Variants in IQCJ observed in about 807,000 individuals in gnomAD.
IQCJ encodes IQ domain-containing protein J.
IQCJ carries 9 observed loss-of-function variants against 11.0 expected under a neutral mutation model. That is an observed-to-expected ratio of 0.82 (90% CI 0.49 to 1.43). IQCJ has a LOEUF of 1.43. Among genes scored for constraint, IQCJ ranks in the 40% most tolerant of loss-of-function variants. The pLI is 0.00. For missense variants in IQCJ, 146 were observed against 133.2 expected (o/e 1.10, Z -0.47); for synonymous variants, 55 against 51.3 (o/e 1.07, Z -0.31).
At chr3:159,095,454 G>A (rs886375768) in intron 1 of IQCJ, among the ~76,000 whole-genome samples, 34 of 141,948 alleles carry the variant, frequency 2.4e-4, no homozygotes, top group African/African-American at 7.5e-4. Context: ...ATGCTGGTGC[G>A]CTGCACCCAC....
Position 159,263,091 on chromosome 3 carries a change from CA to C in IQCJ, c.*361del. ...TTTTACCAGAAGAATTGAAAGTGGT[CA>C]CACACTCAGGGGTTGCAACTTAAAT... is the stretch of plus-strand genomic sequence containing the variant. On this transcript the variant is annotated 3_prime_UTR_variant, in exon 4 of 4. Coordinates refer to ENST00000397832, the MANE Select transcript of IQCJ (RefSeq NM_001042706.3). 1.0e-6 allele frequency: 1 copy of C among 994,970 alleles called. No individual in the cohort carries two copies. Among genetic ancestry groups the C allele is most frequent in the Admixed American group, 5.6e-5 (1 of 17,840 alleles). 61.6% of individuals were successfully genotyped at this position (994,970 alleles called of 1,614,324 possible).
At chr3:159,092,284 G>T (rs1310964920) in intron 1 of IQCJ, among the ~76,000 whole-genome samples, 1 of 151,930 alleles carries the variant, frequency 6.6e-6, no homozygotes, top group Non-Finnish European at 1.5e-5. Flanking sequence ...TAAGACAAGT[G>T]GCTGGTATCT....
At chr3:159,089,192 T>C (rs544357462) in intron 1 of IQCJ, among the ~76,000 whole-genome samples, 2 of 152,182 alleles carry the variant, frequency 1.3e-5, no homozygotes, top group Admixed American at 6.5e-5. Flanking sequence ...TTAGTTTGGC[T>C]GGATATGAAG....
chr3:159,128,262 AGT>A (rs1007907901), intron 1 of IQCJ, among the ~76,000 whole-genome samples: 4 of 152,214 alleles, frequency 2.6e-5, no homozygotes, highest in Non-Finnish European at 5.9e-5. Flanking sequence ...GTGAATTTCA[AGT>A]ACGTTCTAGG....
At chr3:159,070,029 G>T in intron 1 of IQCJ, 1 of 204,856 alleles carries the variant, frequency 4.9e-6, no homozygotes, top group South Asian at 8.3e-5. Flanking sequence ...GTTCTGCTTT[G>T]GAGAACCTCA....
rs138121018 is a variant in IQCJ, at chr3:159,177,197, G to A, written c.10-68646G>A. On this transcript the variant is annotated intron_variant, in intron 1 of 3. Transcript: ENST00000397832. ...ATTGTTTAATAATCCATATCAATGG[G>A]GATCTTTTTGAATTGCCTTCCTTGG... 4.0e-3 allele frequency among the ~76,000 whole-genome samples: 605 copies of A among 152,208 alleles called. 4 individuals are homozygous for A. The highest frequency in any genetic ancestry group is 0.013 in the African/African-American group (529 of 41,528).
At chr3:159,262,361 C>T (rs1043048540) in intron 3 of IQCJ, among the ~76,000 whole-genome samples, 187 bp from the exon 4 acceptor site, 5 of 152,206 alleles carry the variant, frequency 3.3e-5, no homozygotes, top group African/African-American at 1.2e-4. Context: ...GGTAGGGAGA[C>T]AGTCTCCATG....
chr3:159,121,932 A>C, intron 1 of IQCJ, among the ~76,000 whole-genome samples: 1 of 152,214 alleles, frequency 6.6e-6, no homozygotes, highest in East Asian at 1.9e-4. Context: ...TTATACATTT[A>C]GACTATGTCT....
rs535193958 is a variant in IQCJ, at chr3:159,252,807, T to G, written c.155T>G (p.Ile52Ser). ...CAGCCCTTGGAATCAAAGGTGAAAA[T>G]GTAAGTTATTTCAAAGTATAAATTA... ...NLQPLESKVK[I>S]IQRAWREYLQ... Residue 52 changes from isoleucine (I) to serine (S), a missense_variant and splice_region_variant, in exon 3 of 4, where the codon ATC becomes AGC. Transcript: ENST00000397832. The G allele has an allele frequency of 6.2e-7, 1 of 1,609,770 alleles. No homozygotes were observed.
chr3:159,175,716 A>T (rs1047799834), intron 1 of IQCJ, among the ~76,000 whole-genome samples: 1 of 152,192 alleles, frequency 6.6e-6, no homozygotes, highest in African/African-American at 2.4e-5. Context: ...TAGATACTCT[A>T]CAATATGCTT....
chr3:159,206,311 G>T (rs779660738), intron 1 of IQCJ, among the ~76,000 whole-genome samples: 35 of 152,052 alleles, frequency 2.3e-4, no homozygotes, highest in Admixed American at 1.8e-3. Flanking sequence ...GAATCACAAT[G>T]ATTGCAACTG....
At chr3:159,236,428 A>G (rs540768395) in intron 1 of IQCJ, among the ~76,000 whole-genome samples, 7 of 152,352 alleles carry the variant, frequency 4.6e-5, no homozygotes, top group African/African-American at 1.7e-4. Context: ...GTGGCAGTAA[A>G]TTGTAAAGCA....
In IQCJ at chr3:159,090,956, A is replaced by G. The variant is rs1372027911; in HGVS notation, c.9+21515A>G. On this transcript the variant is annotated intron_variant, in intron 1 of 3. Transcript: ENST00000397832. ...TTCTTAATTTCCCCAGTTGATTTGT[A>G]TTATAATTCCTGCAGATGTAGCTAA... Among the ~76,000 whole-genome samples, 4 of 151,934 alleles carry G rather than the reference A, an allele frequency of 2.6e-5. 1 individual carries two copies. The highest frequency in any genetic ancestry group is 7.3e-5 in the African/African-American group (3 of 41,174).
Position 159,069,638 on chromosome 3 carries a change from T to C in IQCJ, c.9+197T>C, listed in dbSNP as rs539527915. On this transcript the variant is annotated intron_variant, in intron 1 of 3. Coordinates refer to ENST00000397832, the MANE Select transcript of IQCJ (RefSeq NM_001042706.3). Reference sequence around the variant, plus strand: ...GTTAATGTAGGCATGTGTGCATAAATATGTATTATTTATGTATACATGTGT... The same window carrying C: ...GTTAATGTAGGCATGTGTGCATAAACATGTATTATTTATGTATACATGTGT... The C allele has an allele frequency of 1.8e-4, 125 of 697,416 alleles. No homozygotes were observed. In the South Asian group the frequency reaches 2.5e-3, roughly 14 times the overall value. The allele number at this position is 697,416 out of a possible 1,614,324, so 43.2% of individuals were successfully genotyped here.
At chr3:159,071,729 A>G (rs1715575616) in intron 1 of IQCJ, among the ~76,000 whole-genome samples, 1 of 152,088 alleles carries the variant, frequency 6.6e-6, no homozygotes, top group Admixed American at 6.6e-5. Flanking sequence ...AAGTGAGAGG[A>G]AAGAATGCTG....
intron 1 of IQCJ, among the ~76,000 whole-genome samples, chr3:159,235,545 G>A (rs1726529188): frequency 6.6e-6 from 1 of 152,188 alleles, no homozygotes; most frequent in African/African-American, 2.4e-5. Flanking sequence ...CGAGTGGATT[G>A]CAGTTTGCTG....
chr3:159,150,273 G>A (rs977258674), intron 1 of IQCJ, among the ~76,000 whole-genome samples: 1 of 152,204 alleles, frequency 6.6e-6, no homozygotes, highest in African/African-American at 2.4e-5. Flanking sequence ...TGTATCATAA[G>A]CAGTTGCCAC....
At chr3:159,149,457 T>G (rs1721087310) in intron 1 of IQCJ, among the ~76,000 whole-genome samples, 1 of 152,050 alleles carries the variant, frequency 6.6e-6, no homozygotes, top group African/African-American at 2.4e-5. Flanking sequence ...AAAATAGAGC[T>G]TTTTTTTCCT....
intron 1 of IQCJ, among the ~76,000 whole-genome samples, chr3:159,109,811 C>G (rs893688839): frequency 6.6e-6 from 1 of 152,096 alleles, no homozygotes; most frequent in African/African-American, 2.4e-5. Context: ...TTAAGATGTT[C>G]CACTTCAGTA....
Sources: gnomAD v4.1 joint callset for allele counts (sites outside exome capture counted in the v4.1 genomes callset) on GRCh38, gnomAD v4.1.1 for gene constraint, MANE v1.5 for transcripts, NCBI Gene and HGNC (gene_info 2026-07-23, HGNC 2026-07-21) for gene names.